The following TTK variants were observed in gnomAD, a reference collection of about 807,000 sequenced individuals.
TTK encodes the protein TTK protein kinase.
In TTK, 59 loss-of-function variants were observed where a neutral mutation model predicts 117.3. The observed-to-expected ratio is 0.50, with a 90% confidence interval of 0.41 to 0.62. TTK has a LOEUF of 0.62. Among genes scored for constraint, TTK ranks in the 20% least tolerant of loss-of-function variants. The probability of loss-of-function intolerance (pLI) is 0.00; values close to 1 mark genes in which losing one functional copy is unlikely to be tolerated. For synonymous variants in TTK, 302 were observed against 325.0 expected, an observed-to-expected ratio of 0.93 and a Z score of 0.76; for missense variants, 921 against 989.4, an observed-to-expected ratio of 0.93 and a Z score of 0.93.
intron 18 of TTK, 146 bp downstream of exon 18, chr6:80,038,193 AATTCTTACT>A: frequency 2.2e-6 from 1 of 462,104 alleles, no homozygotes; most frequent in South Asian, 4.7e-5. Context: ...TTTCGTTTCC[AATTCTTACT>A]ATTTTTCACC....
chr6:80,010,792 C>T (rs778838074), intron 4 of TTK, 22 bp from the exon 5 acceptor site: 3 of 1,594,796 alleles, frequency 1.9e-6, no homozygotes, highest in Non-Finnish European at 2.6e-6. Flanking sequence ...CTAAAAATGA[C>T]AATTATCTTT....
chr6:80,024,913 T>C (rs1767565451), intron 11 of TTK, among the ~76,000 whole-genome samples: 1 of 152,196 alleles, frequency 6.6e-6, no homozygotes. Flanking sequence ...TTGATACTTC[T>C]GACTTACTCT....
chr6:80,022,908 T>C (rs1218868273), intron 11 of TTK, among the ~76,000 whole-genome samples: 2 of 152,212 alleles, frequency 1.3e-5, no homozygotes, highest in African/African-American at 4.8e-5. Context: ...TGCTGATCTC[T>C]GAACTAGCGC....
intron 11 of TTK, among the ~76,000 whole-genome samples, chr6:80,023,515 C>T (rs550908080): frequency 1.2e-4 from 19 of 152,112 alleles, no homozygotes; most frequent in Non-Finnish European, 2.2e-4. Flanking sequence ...ATGGTGTGAA[C>T]CCAGGAGGCG....
intron 18 of TTK, among the ~76,000 whole-genome samples, chr6:80,038,632 A>G (rs1767968781): frequency 1.3e-5 from 2 of 152,172 alleles, no homozygotes; most frequent in Non-Finnish European, 2.9e-5. Context: ...CCAGCTCAGA[A>G]TCATTGCTTG....
Position 80,028,413 on chromosome 6 carries a change from G to T in TTK, c.1521+402G>T, listed in dbSNP as rs113080675. Among the ~76,000 whole-genome samples the T allele has an allele frequency of 2.5e-3, 381 of 151,902 alleles. 3 individuals are homozygous for T. Among genetic ancestry groups the T allele is most frequent in the African/African-American group, 8.1e-3 (335 of 41,422 alleles). On this transcript the variant is annotated intron_variant, in intron 13 of 21. Transcript: ENST00000369798. ...GGTGACTACAACCTCTGCTTCCCAG[G>T]TTCAAGCGATTCTCGTGCCTTAGCC...
intron 10 of TTK, 62 bp downstream of exon 10, chr6:80,014,648 G>T (rs1361955265): frequency 6.8e-7 from 1 of 1,469,744 alleles, no homozygotes; most frequent in African/African-American, 1.4e-5. Context: ...GATAGCTTAA[G>T]AAAGCAGACT....
At chr6:80,030,903 C>T (rs188441549) in intron 13 of TTK, among the ~76,000 whole-genome samples, 182 of 151,772 alleles carry the variant, frequency 1.2e-3, no homozygotes, top group South Asian at 6.9e-3. Flanking sequence ...CAGATATAGC[C>T]GGATGGTAGT....
intron 20 of TTK, 127 bp from the exon 21 acceptor site, chr6:80,040,479 C>A: frequency 1.1e-6 from 1 of 892,918 alleles, no homozygotes; most frequent in Non-Finnish European, 1.6e-6. Context: ...TTACTTATTC[C>A]AGATAACGGG....
At chr6:80,010,096 A>G (rs887597037) in intron 4 of TTK, among the ~76,000 whole-genome samples, 57 of 152,150 alleles carry the variant, frequency 3.7e-4, no homozygotes, top group African/African-American at 1.3e-3. Flanking sequence ...AGCATAGCTC[A>G]ATGGCTCCCA....
intron 1 of TTK, 111 bp from the exon 2 acceptor site, chr6:80,005,731 G>T: frequency 8.6e-7 from 1 of 1,164,142 alleles, no homozygotes; most frequent in East Asian, 2.4e-5. Context: ...GCTGCATTTA[G>T]ATGTGTTCAC....
At chr6:80,017,485 C>G (rs1767339114) in intron 10 of TTK, among the ~76,000 whole-genome samples, 1 of 152,046 alleles carries the variant, frequency 6.6e-6, no homozygotes, top group Non-Finnish European at 1.5e-5. Flanking sequence ...TGCTATGTTG[C>G]CCAGGCTGGT....
intron 10 of TTK, among the ~76,000 whole-genome samples, chr6:80,015,319 G>C (rs1767278776): frequency 6.6e-6 from 1 of 152,124 alleles, no homozygotes; most frequent in Admixed American, 6.6e-5. Context: ...AATAAGACTA[G>C]GCGGACTTTG....
chr6:80,021,605 G>A (rs1437745850), intron 10 of TTK, among the ~76,000 whole-genome samples: 2 of 152,178 alleles, frequency 1.3e-5, no homozygotes, highest in Non-Finnish European at 2.9e-5. Context: ...CTGAGTGAAG[G>A]GGTTTAAAAA....
chr6:80,027,419 T>C (rs1056260503), intron 12 of TTK, among the ~76,000 whole-genome samples: 64 of 152,196 alleles, frequency 4.2e-4, no homozygotes, highest in African/African-American at 1.4e-3. Context: ...TTCTAGGTGT[T>C]GAGGATATAT....
chr6:80,023,409 T>C (rs1383885745), intron 11 of TTK, among the ~76,000 whole-genome samples: 25 of 152,192 alleles, frequency 1.6e-4, no homozygotes, highest in South Asian at 8.3e-4. Flanking sequence ...TTGGCTAACA[T>C]GGTGAAACCC....
intron 16 of TTK, 130 bp from the exon 17 acceptor site, chr6:80,036,345 A>G: frequency 9.3e-7 from 1 of 1,079,380 alleles, no homozygotes; most frequent in Non-Finnish European, 1.3e-6. Flanking sequence ...TTTGCAGAAT[A>G]TATAAAAAAA....
In TTK at chr6:80,005,919, A is replaced by C; in HGVS notation, c.76A>C (p.Lys26Gln). 1 of 1,612,932 alleles carries C rather than the reference A, an allele frequency of 6.2e-7. No individual in the cohort carries two copies. ...IMNKVRDIKN[K>Q]FKNEDLTDEL... is the part of the protein sequence containing the mutation. The stretch of plus-strand genomic sequence containing the variant: ...GAACAAAGTGAGAGACATTAAAAAT[A>C]AGTTTAAAAATGAAGACCTTACTGA... The change falls in exon 2 of 22, where the codon AAG becomes CAG. Residue 26 changes from lysine (K) to glutamine (Q), a missense_variant. Physicochemically the swap from Lys to Gln is moderately conservative, Grantham distance 53. Coordinates refer to ENST00000369798, the MANE Select transcript of TTK (RefSeq NM_003318.5).
chr6:80,011,374 C>T (rs1767143363), intron 5 of TTK, 60 bp from the exon 6 acceptor site: 5 of 1,151,014 alleles, frequency 4.3e-6, no homozygotes, highest in Middle Eastern at 2.2e-4. Flanking sequence ...TTTGTAAGAT[C>T]ACTTTTTTGT....
Sources: gnomAD v4.1 joint callset for allele counts (sites outside exome capture counted in the v4.1 genomes callset) on GRCh38, gnomAD v4.1.1 for gene constraint, MANE v1.5 for transcripts, NCBI Gene and HGNC (gene_info 2026-07-23, HGNC 2026-07-21) for gene names.